Variants in CDH2 observed in about 807,000 individuals in gnomAD.
CDH2 encodes cadherin-2.
A neutral mutation model predicts 92.0 loss-of-function variants in CDH2; 17 were observed. The observed-to-expected ratio is 0.18, with a 90% CI of 0.13 to 0.28. CDH2 has a LOEUF of 0.28. Among genes scored for constraint, CDH2 ranks in the 10% least tolerant of loss-of-function variants. CDH2 has a pLI of 1.00. For missense variants in CDH2, 862 were observed against 1,133.1 expected (o/e 0.76, Z 3.44); for synonymous variants, 419 against 415.9 (o/e 1.01, Z -0.09).
chr18:28,161,470 C>G (rs2016305083), intron 1 of CDH2, among the ~76,000 whole-genome samples: 1 of 150,482 alleles, frequency 6.6e-6, no homozygotes, highest in East Asian at 2.0e-4. Context: ...GTCCCAGCTA[C>G]TTGGGAGGCT....
At chr18:28,085,780 T>C (rs755097405) in intron 2 of CDH2, among the ~76,000 whole-genome samples, 4 of 152,158 alleles carry the variant, frequency 2.6e-5, no homozygotes, top group Non-Finnish European at 4.4e-5. Flanking sequence ...CTTGAATCCC[T>C]AGTGCAAAAC....
intron 2 of CDH2, among the ~76,000 whole-genome samples, chr18:28,059,979 T>C (rs2144143629): frequency 6.6e-6 from 1 of 152,318 alleles, no homozygotes; most frequent in Admixed American, 6.5e-5. Context: ...TCATGTAATA[T>C]GATCCTCTGC....
chr18:28,155,827 T>A (rs1454610540), intron 1 of CDH2, among the ~76,000 whole-genome samples: 2 of 152,206 alleles, frequency 1.3e-5, no homozygotes. Context: ...CAGGATTCCA[T>A]CCATGATGTT....
intron 14 of CDH2, among the ~76,000 whole-genome samples, chr18:27,971,381 T>TATC (rs1307085003): frequency 1.3e-5 from 2 of 149,920 alleles, no homozygotes; most frequent in Non-Finnish European, 3.0e-5. Flanking sequence ...ATTAGTAGAA[T>TATC]ATCAATAACT....
At chr18:28,140,287 A>G (rs1311553765) in intron 2 of CDH2, among the ~76,000 whole-genome samples, 1 of 152,028 alleles carries the variant, frequency 6.6e-6, no homozygotes, top group Non-Finnish European at 1.5e-5. Context: ...AGCAAGAGTA[A>G]CCAGACAAAA....
At chr18:28,092,440 T>C (rs564622972) in intron 2 of CDH2, among the ~76,000 whole-genome samples, 1 of 152,256 alleles carries the variant, frequency 6.6e-6, no homozygotes, top group Admixed American at 6.5e-5. Context: ...ATAATTTTGT[T>C]TGTCACCCTC....
At chr18:28,174,258 A>T (rs1299576173) in intron 1 of CDH2, among the ~76,000 whole-genome samples, 1 of 152,208 alleles carries the variant, frequency 6.6e-6, no homozygotes, top group African/African-American at 2.4e-5. Flanking sequence ...AAAAAAAGAA[A>T]AAAAAAACCT....
intron 2 of CDH2, among the ~76,000 whole-genome samples, chr18:28,027,377 T>C (rs974876371): frequency 2.5e-4 from 38 of 152,190 alleles, no homozygotes; most frequent in South Asian, 1.0e-3. Flanking sequence ...GTTTTTATTA[T>C]AATGTTCCCC....
rs1340199281 is a variant in CDH2, at chr18:28,024,365, A to T, written c.173-10456T>A. Among the ~76,000 whole-genome samples the T allele has an allele frequency of 3.3e-5, 5 of 151,878 alleles. No individual in the cohort carries two copies. In the East Asian group the frequency reaches 9.7e-4, roughly 29 times the overall value. On this transcript the variant is annotated intron_variant, in intron 2 of 15. Coordinates refer to ENST00000269141, the MANE Select transcript of CDH2 (RefSeq NM_001792.5). ...GTGTTGGGAAAATAAACATATGTAG[A>T]AATGAAATCTTAAGACAAAACAGAT...
At chr18:27,962,347 T>C (rs2011427510) in intron 15 of CDH2, among the ~76,000 whole-genome samples, 1 of 152,230 alleles carries the variant, frequency 6.6e-6, no homozygotes, top group Non-Finnish European at 1.5e-5. Context: ...CAGACAGTAA[T>C]GGATAGTTAT....
At chr18:28,118,651 C>A (rs953135182) in intron 2 of CDH2, among the ~76,000 whole-genome samples, 2 of 151,470 alleles carry the variant, frequency 1.3e-5, no homozygotes, top group Admixed American at 1.3e-4. Flanking sequence ...GGAATCATAG[C>A]AAAATTTACT....
chr18:27,985,170 A>G lies in CDH2; in HGVS notation c.2039T>C (p.Ile680Thr). 1.2e-6 allele frequency: 2 copies of G among 1,613,878 alleles called. No homozygotes were observed. The highest frequency in any genetic ancestry group is 1.7e-6 in the Non-Finnish European group (2 of 1,179,750). The change falls in exon 13 of 16, where the codon ATC becomes ACC. Residue 680 changes from isoleucine to threonine, a missense_variant. Around this residue, in one of 5 missense-constraint regions of CDH2, gnomAD observed 564 missense variants for 722.2 expected, o/e 0.78. Coordinates refer to ENST00000269141, the MANE Select transcript of CDH2 (RefSeq NM_001792.5). ...AGGATTACCCGAATCTGTGATTATGATGGGAACTTCATAGATACCAGCTTC... is the reference window on the plus strand; with the variant it reads ...AGGATTACCCGAATCTGTGATTATGGTGGGAACTTCATAGATACCAGCTTC... ...FLEAGIYEVPIIITDSGNPPK... is the reference protein window; with the variant it reads ...FLEAGIYEVPTIITDSGNPPK...
At position 28,009,932 on chromosome 18, in the gene CDH2, T is replaced by C. The variant is rs1342683771; in HGVS notation, c.547-60A>G. 5 of 1,377,694 alleles carry C rather than the reference T, an allele frequency of 3.6e-6. No individual in the cohort carries two copies. The African/African-American group carries it at 4.3e-5, about 12-fold the overall frequency. The allele number at this position is 1,377,694 out of a possible 1,614,324, so 85.3% of individuals were successfully genotyped here. ...GACTAAATGAGCTCATTATCAGAGA[T>C]GGGGCACATCACACTTCATGCCCTT... On this transcript the variant is annotated intron_variant, in intron 4 of 15. Transcript: ENST00000269141.
intron 1 of CDH2, among the ~76,000 whole-genome samples, chr18:28,155,569 T>C (rs1055553530): frequency 6.6e-6 from 1 of 152,064 alleles, no homozygotes; most frequent in South Asian, 2.1e-4. Context: ...ACGTGATTTG[T>C]GGGTTGGGGG....
At chr18:28,162,139 G>T (rs755233769) in intron 1 of CDH2, among the ~76,000 whole-genome samples, 1 of 152,112 alleles carries the variant, frequency 6.6e-6, no homozygotes, top group Non-Finnish European at 1.5e-5. Flanking sequence ...TATTGCTTAG[G>T]CCCCTTCAAA....
chr18:28,036,504 T>TA, intron 2 of CDH2: 1 of 1,604,662 alleles, frequency 6.2e-7, no homozygotes, highest in South Asian at 1.1e-5. Flanking sequence ...CTTGGTTCTT[T>TA]AATTTCTCAG....
chr18:27,960,341 C>T (rs113928047), intron 15 of CDH2, among the ~76,000 whole-genome samples: 6 of 152,172 alleles, frequency 3.9e-5, no homozygotes, highest in South Asian at 2.1e-4. Context: ...TTTCACCCAA[C>T]GCTAGAAAAA....
At chr18:28,136,822 T>A (rs8084948) in intron 2 of CDH2, among the ~76,000 whole-genome samples, 41,004 of 151,964 alleles carry the variant, frequency 0.27, 5,653 homozygotes, top group Middle Eastern at 0.37. Context: ...GAAAATAATC[T>A]ACCAGAATCA....
At chr18:28,092,537 T>C (rs1242226750) in intron 2 of CDH2, among the ~76,000 whole-genome samples, 1 of 150,082 alleles carries the variant, frequency 6.7e-6, no homozygotes, top group Non-Finnish European at 1.5e-5. Flanking sequence ...AAATACTGAT[T>C]AGAAGAGAGA....
Sources: gnomAD v4.1 joint callset for allele counts (sites outside exome capture counted in the v4.1 genomes callset) on GRCh38, gnomAD v4.1.1 for gene constraint, gnomAD v4.1.1 regional missense constraint, MANE v1.5 for transcripts, NCBI Gene and HGNC (gene_info 2026-07-23, HGNC 2026-07-21) for gene names.